TBC1D22A: variants seen among roughly 807,000 people sequenced by gnomAD.
TBC1D22A encodes the protein TBC1 domain family member 22A.
Under a neutral mutation model 60.2 loss-of-function variants are expected in TBC1D22A, and 38 were observed. That is an observed-to-expected ratio of 0.63 (90% CI 0.49 to 0.83). The LOEUF (loss-of-function observed/expected upper bound fraction) is 0.83. Ranked by LOEUF, TBC1D22A falls within the 40% of genes least tolerant of loss-of-function variation. The pLI, the probability that TBC1D22A is intolerant of heterozygous loss-of-function variation, is 0.00. For synonymous variants in TBC1D22A, 302 were observed against 281.7 expected (o/e 1.07, Z -0.72); for missense variants, 628 against 701.0 (o/e 0.90, Z 1.18).
intron 5 of TBC1D22A, among the ~76,000 whole-genome samples, chr22:46,886,319 C>CT (rs1469042277): frequency 2.6e-5 from 4 of 152,226 alleles, no homozygotes; most frequent in African/African-American, 7.2e-5. Flanking sequence ...CACGAGGACT[C>CT]TGAGTGTCCC....
At chr22:46,858,975 G>A (rs1038937042) in intron 4 of TBC1D22A, among the ~76,000 whole-genome samples, 1 of 149,348 alleles carries the variant, frequency 6.7e-6, no homozygotes, top group Non-Finnish European at 1.5e-5. Context: ...TTCGATAGAG[G>A]TCTGTGTAGT....
At chr22:47,106,910 C>T (rs570236661) in intron 11 of TBC1D22A, among the ~76,000 whole-genome samples, 6 of 152,114 alleles carry the variant, frequency 3.9e-5, no homozygotes, top group South Asian at 2.1e-4. Flanking sequence ...TCCAGTCTGG[C>T]GACAGAGCGA....
chr22:46,884,232 A>G (rs1425403962), intron 5 of TBC1D22A, among the ~76,000 whole-genome samples: 2 of 151,922 alleles, frequency 1.3e-5, no homozygotes, highest in African/African-American at 4.8e-5. Context: ...GAGGAGGGGA[A>G]GGGGCTGTTG....
chr22:47,173,358 A>G (rs1738421240), intron 12 of TBC1D22A, 140 bp from the exon 13 acceptor site: 5 of 1,190,502 alleles, frequency 4.2e-6, no homozygotes, highest in South Asian at 3.0e-5. Context: ...CTTTCTCTCC[A>G]GTTTTCCTGG....
At chr22:47,170,219 C>T (rs372476724) in intron 12 of TBC1D22A, among the ~76,000 whole-genome samples, 1 of 152,130 alleles carries the variant, frequency 6.6e-6, no homozygotes, top group South Asian at 2.1e-4. Context: ...TTCTATTCTC[C>T]CTCCATCCAG....
chr22:47,152,227 A>G (rs778111997), intron 12 of TBC1D22A, among the ~76,000 whole-genome samples: 1 of 152,242 alleles, frequency 6.6e-6, no homozygotes, highest in Admixed American at 6.5e-5. Context: ...TGACCAATAC[A>G]AGGTTATATC....
chr22:46,993,833 G>A (rs181074930), intron 9 of TBC1D22A, among the ~76,000 whole-genome samples: 2,038 of 152,314 alleles, frequency 0.013, 21 homozygotes, highest in Middle Eastern at 0.034. Flanking sequence ...GCCCTTGAAG[G>A]CTTCCTGGCC....
chr22:46,814,921 G>A (rs2147060137), intron 4 of TBC1D22A, among the ~76,000 whole-genome samples: 1 of 152,038 alleles, frequency 6.6e-6, no homozygotes, highest in East Asian at 1.9e-4. Flanking sequence ...CCCAAGTGGT[G>A]GGATTACAGG....
intron 11 of TBC1D22A, among the ~76,000 whole-genome samples, chr22:47,054,401 G>A (rs1294075351): frequency 6.6e-6 from 1 of 152,090 alleles, no homozygotes; most frequent in Non-Finnish European, 1.5e-5. Context: ...TCCTGGTTTT[G>A]CCTGGCCGTT....
chr22:47,135,550 G>C (rs549665005), intron 12 of TBC1D22A, among the ~76,000 whole-genome samples: 1 of 152,276 alleles, frequency 6.6e-6, no homozygotes, highest in Non-Finnish European at 1.5e-5. Flanking sequence ...GCAGGTGCCA[G>C]AGCCAGGCCC....
At chr22:46,998,895 C>G (rs1207029207) in intron 10 of TBC1D22A, among the ~76,000 whole-genome samples, 1 of 152,272 alleles carries the variant, frequency 6.6e-6, no homozygotes, top group Non-Finnish European at 1.5e-5. Flanking sequence ...GCACGCTCCA[C>G]CGCGCGGTCT....
chr22:47,173,632 G>A lies in TBC1D22A; in HGVS notation c.*6G>A, dbSNP rs1035758646. On this transcript the variant is annotated 3_prime_UTR_variant, in exon 13 of 13. Transcript: ENST00000337137. ...CCAATCACTACAAGAAATGAGCCCA[G>A]GCCCACCCGCAGCTGGCCTCACTGT... The A allele has an allele frequency of 9.9e-6, 16 of 1,613,354 alleles. No homozygotes were observed. Among genetic ancestry groups the A allele is most frequent in the Non-Finnish European group, 1.4e-5 (16 of 1,179,732 alleles).
intron 4 of TBC1D22A, among the ~76,000 whole-genome samples, chr22:46,861,350 A>T (rs928557933): frequency 3.9e-5 from 6 of 152,204 alleles, no homozygotes; most frequent in East Asian, 1.9e-4. Context: ...CTTTTAAAAC[A>T]TTCATCTTTT....
intron 4 of TBC1D22A, among the ~76,000 whole-genome samples, chr22:46,822,482 C>G (rs185342390): frequency 1.3e-5 from 2 of 152,006 alleles, no homozygotes; most frequent in African/African-American, 4.8e-5. Context: ...GTTTTTCTTG[C>G]AATAGTCAGG....
At position 46,793,845 on chromosome 22, in the gene TBC1D22A, C is replaced by A; in HGVS notation, c.460+4C>A. On this transcript the variant is annotated splice_donor_region_variant and intron_variant, in intron 3 of 12. Coordinates refer to ENST00000337137, the MANE Select transcript of TBC1D22A (RefSeq NM_014346.5). ...AGCCACACGTCCTGTCCTGCAGGTA[C>A]GATGGGAGGACTGAAGAGATGGTCT... 1 of 1,554,746 alleles carries A rather than the reference C, an allele frequency of 6.4e-7. No homozygotes were observed. Among genetic ancestry groups the A allele is most frequent in the African/African-American group, 1.4e-5 (1 of 72,990 alleles).
chr22:47,054,914 C>A (rs1335814272), intron 11 of TBC1D22A, among the ~76,000 whole-genome samples: 1 of 152,196 alleles, frequency 6.6e-6, no homozygotes, highest in African/African-American at 2.4e-5. Context: ...GCAGTTGGCA[C>A]TCTCACCCTT....
intron 12 of TBC1D22A, among the ~76,000 whole-genome samples, chr22:47,112,075 G>A (rs1034666046): frequency 6.6e-6 from 1 of 152,238 alleles, no homozygotes; most frequent in African/African-American, 2.4e-5. Flanking sequence ...CTAGTCCCTG[G>A]CGACTTAGCA....
At chr22:46,790,433 A>G (rs575150268) in intron 1 of TBC1D22A, among the ~76,000 whole-genome samples, 1 of 152,336 alleles carries the variant, frequency 6.6e-6, no homozygotes, top group Non-Finnish European at 1.5e-5. Flanking sequence ...TTGCCATGTA[A>G]GGTGACGTAG....
intron 10 of TBC1D22A, among the ~76,000 whole-genome samples, chr22:47,031,347 T>C (rs2062467108): frequency 6.6e-6 from 1 of 152,212 alleles, no homozygotes; most frequent in Non-Finnish European, 1.5e-5. Flanking sequence ...GAAACAGGCC[T>C]TGTCTTCCTT....
Sources: allele counts gnomAD v4.1 joint callset (sites outside exome capture counted in the v4.1 genomes callset), GRCh38; gene constraint gnomAD v4.1.1; transcripts MANE v1.5; gene names NCBI Gene and HGNC (gene_info 2026-07-23, HGNC 2026-07-21).